Variants in COL23A1 observed in about 807,000 individuals in gnomAD.
The protein encoded by COL23A1 is collagen type XXIII alpha 1 chain.
COL23A1 carries 97 observed loss-of-function variants against 99.3 expected under a neutral mutation model. The ratio of observed to expected loss-of-function variants is 0.98; its 90% CI spans 0.83 to 1.16. COL23A1 has a LOEUF of 1.16. Ranked by LOEUF, COL23A1 falls within the 50% of genes most tolerant of loss-of-function variation. The pLI, the probability that COL23A1 is intolerant of heterozygous loss-of-function variation, is 0.00. For synonymous variants in COL23A1, 320 were observed against 308.2 expected, an observed-to-expected ratio of 1.04 and a Z score of -0.40; for missense variants, 762 against 757.4, an observed-to-expected ratio of 1.01 and a Z score of -0.07.
rs372035110 is a variant in COL23A1 at position 178,375,682 on chromosome 5, T to C, written c.362-68763A>G. The stretch of plus-strand genomic sequence containing the variant: ...GCTGGATCCCCGTCTCCACCAGAAA[T>C]CCACTTGACCCATTCCCTTTTCTTT... On this transcript the variant is annotated intron_variant, in intron 2 of 28. Transcript: ENST00000390654. 1.4e-3 allele frequency among the ~76,000 whole-genome samples: 220 copies of C among 152,292 alleles called. 5 individuals carry two copies. In the South Asian group the frequency reaches 0.033, roughly 23 times the overall value.
At chr5:178,261,179 G>C (rs1327812985) in intron 11 of COL23A1, among the ~76,000 whole-genome samples, 1 of 152,166 alleles carries the variant, frequency 6.6e-6, no homozygotes, top group Non-Finnish European at 1.5e-5. Context: ...TTGGGAGGCT[G>C]AGGTGGGAGG....
intron 2 of COL23A1, among the ~76,000 whole-genome samples, chr5:178,323,324 G>A (rs938341205): frequency 6.6e-6 from 1 of 152,124 alleles, no homozygotes; most frequent in African/African-American, 2.4e-5. Flanking sequence ...CCCACAAAGG[G>A]CCCTGTGGTA....
rs1156453721 is a variant in COL23A1, at chr5:178,471,511, T to C, written c.361+89171A>G. Among the ~76,000 whole-genome samples the C allele has an allele frequency of 4.5e-5, 6 of 132,502 alleles. No homozygotes were observed. The East Asian group carries it at 1.1e-3, about 25-fold the overall frequency. The allele number at this position is 132,502 out of a possible 152,430, so 86.9% of individuals were successfully genotyped here. On this transcript the variant is annotated intron_variant, in intron 2 of 28. Transcript: ENST00000390654. ...GCCTCGGCCTCCCAAAGTGCTCGGA[T>C]TACGGGTGTGAGCCACTGTGCCTTG...
rs78094440 is a variant in COL23A1, at chr5:178,384,087, C to T, written c.362-77168G>A. 0.013 allele frequency among the ~76,000 whole-genome samples: 2,032 copies of T among 152,252 alleles called. 49 individuals carry two copies. The highest frequency in any genetic ancestry group is 0.046 in the African/African-American group (1,923 of 41,530). ...TCCTGCCACGGCCAGGCAGGTCCCACCTCTCTGCAAAGACCCCTCTTCTCT... is the reference window on the plus strand; with the variant it reads ...TCCTGCCACGGCCAGGCAGGTCCCATCTCTCTGCAAAGACCCCTCTTCTCT... On this transcript the variant is annotated intron_variant, in intron 2 of 28. Coordinates refer to ENST00000390654, the MANE Select transcript of COL23A1 (RefSeq NM_173465.4). This position sits in a 1 kb window ranked among gnomAD's most constrained non-coding sequence, Gnocchi z 5.5.
chr5:178,413,460 A>G (rs1382471128), intron 2 of COL23A1, among the ~76,000 whole-genome samples: 3 of 152,220 alleles, frequency 2.0e-5, no homozygotes, highest in Non-Finnish European at 2.9e-5. Flanking sequence ...AACTTTTCTT[A>G]TATCATATGT....
At chr5:178,478,398 C>T (rs891601371) in intron 2 of COL23A1, among the ~76,000 whole-genome samples, 25 of 152,206 alleles carry the variant, frequency 1.6e-4, no homozygotes, top group African/African-American at 5.8e-4. Context: ...AGGAACTGGC[C>T]TCCAGACTCA....
chr5:178,585,384 ACTCC>A (rs1763884750), intron 1 of COL23A1, among the ~76,000 whole-genome samples: 2 of 146,912 alleles, frequency 1.4e-5, no homozygotes, highest in African/African-American at 5.2e-5. Context: ...CTAGGGTAAC[ACTCC>A]GCGGCCCTGA....
At chr5:178,311,509 C>CGTGTGT (rs958348391) in intron 2 of COL23A1, among the ~76,000 whole-genome samples, 293 of 27,228 alleles carry the variant, frequency 0.011, 1 homozygote, top group African/African-American at 0.02. Flanking sequence ...TGTGTGTGCG[C>CGTGTGT]GTGTGTGTGT....
intron 2 of COL23A1, among the ~76,000 whole-genome samples, chr5:178,393,005 CAG>C (rs956158133): frequency 2.6e-5 from 4 of 152,348 alleles, no homozygotes; most frequent in Admixed American, 2.0e-4. Context: ...CTGCATTTTG[CAG>C]AGAGACTCAG....
intron 2 of COL23A1, among the ~76,000 whole-genome samples, chr5:178,530,907 G>A (rs1483772865): frequency 3.3e-5 from 5 of 151,548 alleles, no homozygotes; most frequent in African/African-American, 7.3e-5. Context: ...TGCTCTTGTC[G>A]CCCAGGCTGG....
chr5:178,374,083 G>A (rs1762944697), intron 2 of COL23A1, among the ~76,000 whole-genome samples: 1 of 152,196 alleles, frequency 6.6e-6, no homozygotes, highest in African/African-American at 2.4e-5. Flanking sequence ...GGATGCGCAA[G>A]GGTACAATTC....
chr5:178,550,184 T>A (rs1193273508), intron 2 of COL23A1, among the ~76,000 whole-genome samples: 1 of 152,224 alleles, frequency 6.6e-6, no homozygotes, highest in East Asian at 1.9e-4. Flanking sequence ...TCACATAACT[T>A]CACTTAGTTT....
chr5:178,271,040 C>T (rs1055221075), intron 5 of COL23A1, among the ~76,000 whole-genome samples: 3 of 152,152 alleles, frequency 2.0e-5, no homozygotes, highest in East Asian at 1.9e-4. Context: ...GGAGAGAAGC[C>T]GAATCACACC....
intron 2 of COL23A1, among the ~76,000 whole-genome samples, chr5:178,319,262 G>A (rs955592719): frequency 1.3e-5 from 2 of 152,150 alleles, no homozygotes; most frequent in Admixed American, 6.5e-5. Context: ...CCAGAGAGGC[G>A]CATGTAAACC....
At position 178,333,490 on chromosome 5, in the gene COL23A1, C is replaced by T. The variant is rs868367091; in HGVS notation, c.362-26571G>A. Among the ~76,000 whole-genome samples, 22 of 152,296 alleles carry T rather than the reference C, an allele frequency of 1.4e-4. No homozygotes were observed. In the Middle Eastern group the frequency reaches 0.01, roughly 71 times the overall value. On this transcript the variant is annotated intron_variant, in intron 2 of 28. Transcript: ENST00000390654. ...TCCCTTATCCAGGCTGCCTCCCCAC[C>T]CAGCCACGCCCTTTCATGTCCTCAC...
Position 178,262,266 on chromosome 5 carries a change from A to G in COL23A1, c.640-14T>C. The stretch of plus-strand genomic sequence containing the variant: ...TCCTTTGGGGCCCTGCGGAAGTGTG[A>G]GGGGACAGCAGTGAAGGATGCAGGA... On this transcript the variant is annotated splice_polypyrimidine_tract_variant and intron_variant, in intron 9 of 28. Transcript: ENST00000390654. 1.3e-6 allele frequency: 2 copies of G among 1,576,482 alleles called. No homozygotes were observed. Among genetic ancestry groups the G allele is most frequent in the South Asian group, 1.2e-5 (1 of 85,860 alleles).
chr5:178,558,086 T>C (rs762271293), intron 2 of COL23A1, among the ~76,000 whole-genome samples: 1 of 151,452 alleles, frequency 6.6e-6, no homozygotes, highest in Non-Finnish European at 1.5e-5. Context: ...AGCCTTCCTC[T>C]CGGTGGGACT....
intron 2 of COL23A1, among the ~76,000 whole-genome samples, chr5:178,327,686 C>G (rs2127639541): frequency 6.6e-6 from 1 of 152,266 alleles, no homozygotes; most frequent in Admixed American, 6.5e-5. Flanking sequence ...GCAGACAGTG[C>G]ACGTGGCCCT....
chr5:178,348,507 T>C (rs971862961), intron 2 of COL23A1, among the ~76,000 whole-genome samples: 5 of 152,098 alleles, frequency 3.3e-5, no homozygotes, highest in Non-Finnish European at 4.4e-5. Context: ...GCAGTCAGGG[T>C]TGGGTGTGTG....
Sources: gnomAD v4.1 joint callset for allele counts (sites outside exome capture counted in the v4.1 genomes callset) on GRCh38, gnomAD v4.1.1 for gene constraint, Gnocchi (gnomAD v3.1) non-coding constraint, MANE v1.5 for transcripts, NCBI Gene and HGNC (gene_info 2026-07-23, HGNC 2026-07-21) for gene names.